Variants in SMIM35 observed in about 807,000 individuals in gnomAD.
SMIM35 encodes TMPRSS4 antisense RNA 1 (non-protein coding).
intron 2 of SMIM35, 40 bp from the exon 3 acceptor site, chr11:118,014,781 G>T: frequency 2.5e-6 from 1 of 398,878 alleles, no homozygotes; most frequent in East Asian, 3.6e-5. Flanking sequence ...AGCACCTCCA[G>T]GGGAAGCAGT....
intron 4 of SMIM35, among the ~76,000 whole-genome samples, chr11:118,012,049 G>A (rs1052374892): frequency 4.6e-5 from 7 of 152,174 alleles, no homozygotes; most frequent in Admixed American, 2.6e-4. Context: ...AACCCAAAAC[G>A]AGAAATGAGG....
At chr11:118,056,707 T>C (rs1464286634) in intron 1 of SMIM35, among the ~76,000 whole-genome samples, 3 of 151,952 alleles carry the variant, frequency 2.0e-5, no homozygotes, top group African/African-American at 7.3e-5. Flanking sequence ...AACACCAACA[T>C]ACAAAGTGGA....
chr11:118,047,385 A>T (rs1192294029), intron 1 of SMIM35, among the ~76,000 whole-genome samples: 1 of 152,218 alleles, frequency 6.6e-6, no homozygotes, highest in Non-Finnish European at 1.5e-5. Flanking sequence ...GAAAATATCC[A>T]AAGAATGAGC....
intron 1 of SMIM35, among the ~76,000 whole-genome samples, chr11:118,044,807 A>AAAAAC (rs1944070368): frequency 6.6e-6 from 1 of 151,032 alleles, no homozygotes; most frequent in South Asian, 2.1e-4. Flanking sequence ...CTACTAAAAA[A>AAAAAC]AAAACAAAAC....
intron 1 of SMIM35, among the ~76,000 whole-genome samples, chr11:118,060,386 T>C (rs756687772): frequency 1.3e-5 from 2 of 152,234 alleles, no homozygotes; most frequent in African/African-American, 2.4e-5. Context: ...TAATAGCTCT[T>C]GGTGCTAATG....
At chr11:118,077,350 C>G in intron 1 of SMIM35, 1 of 1,571,994 alleles carries the variant, frequency 6.4e-7, no homozygotes, top group African/African-American at 1.4e-5. Flanking sequence ...AAGGGTGGGT[C>G]TCCCCATGTA....
intron 1 of SMIM35, among the ~76,000 whole-genome samples, chr11:118,055,792 G>C (rs553315791): frequency 6.6e-6 from 1 of 152,258 alleles, no homozygotes; most frequent in African/African-American, 2.4e-5. Flanking sequence ...CTGGAAATGG[G>C]AGAAAGAGCT....
At chr11:118,077,725 G>A (rs938908958) in intron 1 of SMIM35, among the ~76,000 whole-genome samples, 2 of 152,160 alleles carry the variant, frequency 1.3e-5, no homozygotes, top group African/African-American at 4.8e-5. Flanking sequence ...TTAAAGAAAA[G>A]TGTAGACTGG....
intron 1 of SMIM35, chr11:118,059,240 C>G (rs369173474): frequency 6.6e-6 from 1 of 152,418 alleles, no homozygotes. Flanking sequence ...AAATATCATC[C>G]CATGACACTG....
chr11:118,011,854 A>C (rs1005886867), intron 4 of SMIM35, among the ~76,000 whole-genome samples: 1 of 152,074 alleles, frequency 6.6e-6, no homozygotes, highest in Non-Finnish European at 1.5e-5. Context: ...TCTCAGAACC[A>C]CTAAGGGGCC....
intron 1 of SMIM35, among the ~76,000 whole-genome samples, chr11:118,027,255 C>G (rs1056265649): frequency 2.0e-5 from 3 of 150,008 alleles, no homozygotes; most frequent in African/African-American, 7.4e-5. Flanking sequence ...TCTCGATCTC[C>G]TGACCTCATG....
intron 1 of SMIM35, among the ~76,000 whole-genome samples, chr11:118,066,355 C>T (rs544057173): frequency 2.0e-5 from 3 of 152,152 alleles, no homozygotes; most frequent in Non-Finnish European, 2.9e-5. Flanking sequence ...TCACCTGGAC[C>T]GCTGCATGAG....
intron 1 of SMIM35, among the ~76,000 whole-genome samples, chr11:118,063,896 T>C (rs1299091842): frequency 6.6e-6 from 1 of 152,224 alleles, no homozygotes; most frequent in African/African-American, 2.4e-5. Context: ...ATATCCTTTA[T>C]AGTAAACCTG....
At chr11:118,069,273 G>A (rs181894029) in intron 1 of SMIM35, among the ~76,000 whole-genome samples, 4 of 152,202 alleles carry the variant, frequency 2.6e-5, no homozygotes, top group Non-Finnish European at 5.9e-5. Flanking sequence ...ACAACACAGA[G>A]TAGAATGTCA....
At chr11:118,072,350 T>C (rs1944584539) in intron 1 of SMIM35, among the ~76,000 whole-genome samples, 1 of 152,132 alleles carries the variant, frequency 6.6e-6, no homozygotes, top group South Asian at 2.1e-4. Flanking sequence ...TAGCTGGGTG[T>C]GATGGCAGAG....
At chr11:118,023,330 C>G (rs1243741218) in intron 1 of SMIM35, among the ~76,000 whole-genome samples, 1 of 152,056 alleles carries the variant, frequency 6.6e-6, no homozygotes, top group African/African-American at 2.4e-5. Flanking sequence ...CAATAAGTCT[C>G]AAATTATAAA....
At chr11:118,068,191 G>A (rs1230863866) in intron 1 of SMIM35, among the ~76,000 whole-genome samples, 1 of 151,948 alleles carries the variant, frequency 6.6e-6, no homozygotes, top group Non-Finnish European at 1.5e-5. Flanking sequence ...CAGTATCTGT[G>A]GGTCAGTCAC....
At chr11:118,070,165 C>A (rs1010204738) in intron 1 of SMIM35, among the ~76,000 whole-genome samples, 1 of 152,138 alleles carries the variant, frequency 6.6e-6, no homozygotes, top group Non-Finnish European at 1.5e-5. Flanking sequence ...TACTTTCTAG[C>A]CAGATTCTTT....
chr11:118,061,895 G>A (rs997900384), intron 1 of SMIM35, among the ~76,000 whole-genome samples: 7 of 152,128 alleles, frequency 4.6e-5, no homozygotes, highest in Non-Finnish European at 1.0e-4. Flanking sequence ...AAGCATTGGC[G>A]TGTAAGTAAC....
Sources: gnomAD v4.1 joint callset for allele counts (sites outside exome capture counted in the v4.1 genomes callset) on GRCh38, gnomAD v4.1.1 for gene constraint, MANE v1.5 for transcripts, NCBI Gene and HGNC (gene_info 2026-07-23, HGNC 2026-07-21) for gene names.